GOLGA3: variants seen among roughly 807,000 people sequenced by gnomAD.
The protein encoded by GOLGA3 is golgin subfamily A member 3.
In GOLGA3, 75 loss-of-function variants were observed where a neutral mutation model predicts 169.4. The ratio of observed to expected loss-of-function variants is 0.44; its 90% CI spans 0.37 to 0.54. The LOEUF is 0.54. Among genes scored for constraint, GOLGA3 ranks in the 20% least tolerant of loss-of-function variants. GOLGA3 has a pLI of 0.00. For missense variants in GOLGA3, 1,899 were observed against 1,930.0 expected (o/e 0.98, Z 0.30); for synonymous variants, 824 against 822.4 (o/e 1.00, Z -0.03).
chr12:132,777,945 G>A lies in GOLGA3; in HGVS notation c.3583-140C>T. 2.2e-6 allele frequency: 2 copies of A among 909,266 alleles called. No individual in the cohort carries two copies. The highest frequency in any genetic ancestry group is 3.2e-6 in the Non-Finnish European group (2 of 616,000). 56.3% of individuals were successfully genotyped at this position (909,266 alleles called of 1,614,324 possible). On this transcript the variant is annotated intron_variant, in intron 18 of 23. Coordinates refer to ENST00000450791, the MANE Select transcript of GOLGA3 (RefSeq NM_001389683.1). The surrounding 1 kb of genome is among the most constrained non-coding windows in gnomAD (Gnocchi z 4.7). ...GTGTGCTTCTCCACAGGCCTGTCAAGTTCCTTGTAAAGATGAAACCACCTG... is the reference window on the plus strand; with the variant it reads ...GTGTGCTTCTCCACAGGCCTGTCAAATTCCTTGTAAAGATGAAACCACCTG...
intron 4 of GOLGA3, among the ~76,000 whole-genome samples, chr12:132,812,107 G>C (rs1291750194): frequency 4.0e-5 from 6 of 150,222 alleles, no homozygotes; most frequent in Admixed American, 3.3e-4. Flanking sequence ...AGAATTGCTT[G>C]AACTAGGGAG....
chr12:132,826,250 A>AG, intron 1 of GOLGA3: 1 of 1,313,198 alleles, frequency 7.6e-7, no homozygotes. Context: ...CAAAAAAAAA[A>AG]AAAAAAAAGA....
At chr12:132,799,721 C>T (rs1279670271) in intron 8 of GOLGA3, among the ~76,000 whole-genome samples, 1 of 152,028 alleles carries the variant, frequency 6.6e-6, no homozygotes, top group African/African-American at 2.4e-5. Flanking sequence ...GCTACACCAC[C>T]ATACTTCCTT....
At chr12:132,786,823 G>A (rs1231198448) in intron 13 of GOLGA3, 36 bp from the exon 14 acceptor site, 7 of 1,352,088 alleles carry the variant, frequency 5.2e-6, no homozygotes, top group Non-Finnish European at 6.4e-6. Flanking sequence ...GAGCGGCACT[G>A]CCACCCCCAG....
At chr12:132,778,598 T>C (rs895145105) in intron 18 of GOLGA3, among the ~76,000 whole-genome samples, 8 of 149,566 alleles carry the variant, frequency 5.3e-5, no homozygotes, top group African/African-American at 1.5e-4. Flanking sequence ...AACAAATAAA[T>C]AAATAAAAAT....
rs1175461808 is a variant in GOLGA3, at chr12:132,789,029, G to C, written c.2809C>G (p.Gln937Glu). 6.5e-7 allele frequency: 1 copy of C among 1,536,412 alleles called. No homozygotes were observed. Residue 937 changes from glutamine to glutamate, a missense_variant and splice_region_variant, in exon 13 of 24, where the codon CAG becomes GAG. By Grantham distance (29) the Gln-to-Glu change is conservative. Coordinates refer to ENST00000450791, the MANE Select transcript of GOLGA3 (RefSeq NM_001389683.1). ...GAGTCAACCCGACACGGACAGACCTGCAAGTGTGTTTCCATCTCGTCTCGC... is the reference window on the plus strand; with the variant it reads ...GAGTCAACCCGACACGGACAGACCTCCAAGTGTGTTTCCATCTCGTCTCGC... ...KERDEMETHL[Q>E]SLQFDKEQMV...
At chr12:132,805,218 C>A (rs1407953856) in intron 6 of GOLGA3, among the ~76,000 whole-genome samples, 196 bp from the exon 7 acceptor site, 18 of 133,298 alleles carry the variant, frequency 1.4e-4, no homozygotes, top group Non-Finnish European at 2.6e-4. Context: ...GACCCCAAGA[C>A]CCCCAGGCGC....
intron 16 of GOLGA3, 179 bp downstream of exon 16, chr12:132,783,985 G>A (rs2045756932): frequency 1.3e-6 from 2 of 1,488,218 alleles, no homozygotes; most frequent in Non-Finnish European, 1.8e-6. Flanking sequence ...CCAGAGGGCT[G>A]GAATCAGGGC....
intron 2 of GOLGA3, among the ~76,000 whole-genome samples, chr12:132,818,311 G>C (rs1477614672): frequency 6.6e-6 from 1 of 152,254 alleles, no homozygotes; most frequent in African/African-American, 2.4e-5. Flanking sequence ...CCAGGCTGGA[G>C]TTCAGTCACA....
chr12:132,779,617 T>C (rs2045437827), intron 18 of GOLGA3, among the ~76,000 whole-genome samples: 1 of 152,210 alleles, frequency 6.6e-6, no homozygotes, highest in Non-Finnish European at 1.5e-5. Flanking sequence ...AAAGGAAAAG[T>C]GATGTGTTCT....
intron 6 of GOLGA3, among the ~76,000 whole-genome samples, chr12:132,806,803 T>C (rs1046666402): frequency 2.6e-5 from 4 of 152,214 alleles, no homozygotes; most frequent in African/African-American, 7.2e-5. Flanking sequence ...CGTGTGCAGC[T>C]TTCTCTGATA....
At chr12:132,827,606 C>A (rs1186493001) in intron 1 of GOLGA3, 1 of 152,180 alleles carries the variant, frequency 6.6e-6, no homozygotes, top group Non-Finnish European at 1.5e-5. Context: ...GGCATTCTCA[C>A]TTGGGAAAGT....
chr12:132,802,031 C>T lies in GOLGA3; in HGVS notation c.1598-62G>A, dbSNP rs1305897490. 23 of 1,322,892 alleles carry T rather than the reference C, an allele frequency of 1.7e-5. No homozygotes were observed. In the Admixed American group the frequency reaches 3.1e-4, roughly 18 times the overall value. The allele number at this position is 1,322,892 out of a possible 1,614,324, so 81.9% of individuals were successfully genotyped here. A position where few individuals can be genotyped will look rare whatever the true frequency, so the allele number is the denominator to read the frequency against. ...CGGCCAACGGGGGAGTCCGCAGCTC[C>T]GCGCGTGCGGGACACAAGGCGGGAC... On this transcript the variant is annotated intron_variant, in intron 7 of 23. Coordinates refer to ENST00000450791, the MANE Select transcript of GOLGA3 (RefSeq NM_001389683.1).
At chr12:132,813,975 C>T (rs189124331) in intron 3 of GOLGA3, among the ~76,000 whole-genome samples, 4 of 151,276 alleles carry the variant, frequency 2.6e-5, no homozygotes, top group South Asian at 2.1e-4. Flanking sequence ...CCACCCGCCT[C>T]GGCCTCCCAA....
chr12:132,801,177 C>T (rs971140993), intron 8 of GOLGA3, among the ~76,000 whole-genome samples: 1 of 152,230 alleles, frequency 6.6e-6, no homozygotes, highest in African/African-American at 2.4e-5. Context: ...CCAAGCTGGA[C>T]ATGGGCTGTG....
Position 132,808,451 on chromosome 12 carries a change from C to T in GOLGA3, c.618G>A (p.Met206Ile). 6.2e-7 allele frequency: 1 copy of T among 1,614,148 alleles called. No homozygotes were observed. Among genetic ancestry groups the T allele is most frequent in the Non-Finnish European group, 8.5e-7 (1 of 1,179,996 alleles). Residue 206 changes from methionine to isoleucine, a missense_variant, in exon 5 of 24, where the codon ATG (methionine) becomes ATA (isoleucine). Met to Ile is a conservative substitution (Grantham distance 10). Coordinates refer to ENST00000450791, the MANE Select transcript of GOLGA3 (RefSeq NM_001389683.1). ...ENLPRASTLA[M>I]TKEYSFLRTS... ...TGCGCAGGAAGGAATATTCTTTTGT[C>T]ATAGCCAGGGTACTGGCCCTTGGTA...
Position 132,777,788 on chromosome 12 carries a change from C to A in GOLGA3, c.3600G>T (p.Val1200=). The stretch of plus-strand genomic sequence containing the variant: ...AGTGGCGGCGGTTATGCCCGGCTTC[C>A]ACCTTGGCAGCAGCCACCTAGGAGG... The part of the protein sequence containing the change: ...SLKEQVAAAK[V]EAGHNRRHFK... Residue 1200 remains valine, a synonymous_variant, in exon 19 of 24, where the codon GTG becomes GTT. Transcript: ENST00000450791. The surrounding 1 kb of genome is among the most constrained non-coding windows in gnomAD (Gnocchi z 4.7). The A allele has an allele frequency of 6.2e-7, 1 of 1,613,612 alleles. No homozygotes were observed. Among genetic ancestry groups the A allele is most frequent in the Non-Finnish European group, 8.5e-7 (1 of 1,179,886 alleles).
rs769836753 is a variant in GOLGA3, at chr12:132,816,585, A to G, written c.361T>C (p.Leu121=). Residue 121 remains leucine (L), a synonymous_variant, in exon 3 of 24, where the codon TTG becomes CTG. Coordinates refer to ENST00000450791, the MANE Select transcript of GOLGA3 (RefSeq NM_001389683.1). ...GGAAGACTGAGTCTGAGAGACTGCA[A>G]AGCTTCTTTTCTAACACTGCCCTCA... ...SAEGSVRKEA[L]QSLRLSLPMQ... 4 of 1,614,094 alleles carry G rather than the reference A, an allele frequency of 2.5e-6. No homozygotes were observed. The South Asian group carries it at 4.4e-5, about 18-fold the overall frequency.
chr12:132,813,443 G>A (rs1187641473), intron 3 of GOLGA3, 24 bp from the exon 4 acceptor site: 5 of 1,328,338 alleles, frequency 3.8e-6, no homozygotes, highest in Non-Finnish European at 4.3e-6. Context: ...AGGGCAATTT[G>A]GAAACTCATA....
Sources: gnomAD v4.1 joint callset for allele counts (sites outside exome capture counted in the v4.1 genomes callset) on GRCh38, gnomAD v4.1.1 for gene constraint, Gnocchi (gnomAD v3.1) non-coding constraint, MANE v1.5 for transcripts, NCBI Gene and HGNC (gene_info 2026-07-23, HGNC 2026-07-21) for gene names.